The following LRCH2 variants were observed in gnomAD, a reference collection of about 807,000 sequenced individuals.
The protein encoded by LRCH2 is leucine rich repeats and calponin homology domain containing 2, also known as leucine-rich repeat and calponin homology domain-containing protein 2.
A neutral mutation model predicts 68.9 loss-of-function variants in LRCH2; 38 were observed. The ratio of observed to expected loss-of-function variants is 0.55; its 90% CI spans 0.43 to 0.72. LRCH2 has a LOEUF of 0.72. Among genes scored for constraint, LRCH2 ranks in the 30% least tolerant of loss-of-function variants. The pLI is 0.00. For missense variants in LRCH2, 528 were observed against 572.9 expected (o/e 0.92, Z 0.80); for synonymous variants, 191 against 208.1 (o/e 0.92, Z 0.71).
chrX:115,148,302 T>C (rs2072404209), intron 14 of LRCH2, among the ~76,000 whole-genome samples: 1 of 111,412 alleles, frequency 9.0e-6, no homozygotes, highest in African/African-American at 3.3e-5. Context: ...CCTCATAAGG[T>C]TGTTATGAGG....
chrX:115,231,872 C>T (rs1222132682), intron 1 of LRCH2, among the ~76,000 whole-genome samples: 11 of 111,625 alleles, frequency 9.9e-5, no homozygotes, highest in Non-Finnish European at 1.9e-4. Context: ...AAAATAAAAC[C>T]AGCACTGCCA....
At chrX:115,190,154 G>A (rs1333479504) in intron 1 of LRCH2, 10 of 1,164,291 alleles carry the variant, frequency 8.6e-6, no homozygotes, top group Admixed American at 5.2e-5. Flanking sequence ...TCAGGCCCGC[G>A]GGTCCGGGAG....
intron 1 of LRCH2, chrX:115,192,177 C>T: frequency 8.6e-7 from 1 of 1,167,057 alleles, no homozygotes. Context: ...GAGGAGGCTG[C>T]TACGAGGAAT....
rs1375870645 is a variant in LRCH2, at chrX:115,192,741, T to C, written c.350-4371A>G. The C allele has an allele frequency of 1.7e-5, 15 of 891,492 alleles. No individual in the cohort carries two copies. The African/African-American group carries it at 2.4e-4, about 14-fold the overall frequency. 73.5% of individuals were successfully genotyped at this position (891,492 alleles called of 1,213,427 possible). ...ACCCAAGGACTAGTATAAGTAGGAG[T>C]TGTTTTTACCTTTTAAGAATTTCCT... On this transcript the variant is annotated intron_variant, in intron 1 of 20. Coordinates refer to ENST00000317135, the MANE Select transcript of LRCH2 (RefSeq NM_020871.4).
intron 12 of LRCH2, among the ~76,000 whole-genome samples, chrX:115,150,636 A>G (rs2147373012): frequency 9.0e-6 from 1 of 111,319 alleles, no homozygotes; most frequent in Non-Finnish European, 1.9e-5. Context: ...GAAAAAATAT[A>G]TAAACAAAAT....
intron 1 of LRCH2, among the ~76,000 whole-genome samples, chrX:115,213,131 A>G (rs929809054): frequency 4.5e-5 from 5 of 111,252 alleles, no homozygotes; most frequent in African/African-American, 1.6e-4. Context: ...CAGTAGGTTT[A>G]TCTTGCAAAG....
intron 1 of LRCH2, among the ~76,000 whole-genome samples, chrX:115,208,582 C>T (rs1011173326): frequency 3.6e-5 from 4 of 111,788 alleles, no homozygotes; most frequent in African/African-American, 9.7e-5. Flanking sequence ...AATCTGCTGT[C>T]TCCCAAGCTG....
intron 5 of LRCH2, among the ~76,000 whole-genome samples, chrX:115,172,030 T>G (rs1393858702): frequency 9.0e-6 from 1 of 111,172 alleles, no homozygotes; most frequent in East Asian, 2.8e-4. Flanking sequence ...TTAAACTCTT[T>G]TAGTTTAATT....
At chrX:115,178,800 T>C (rs1490427755) in intron 5 of LRCH2, among the ~76,000 whole-genome samples, 2 of 112,501 alleles carry the variant, frequency 1.8e-5, no homozygotes, top group African/African-American at 3.2e-5. Flanking sequence ...TAAAGTACCA[T>C]TTCACTGCTA....
In LRCH2 at chrX:115,110,906, A is replaced by C. The variant is rs782482789; in HGVS notation, c.*2310T>G. ...ATGTAACAGAAATAGATATCTATTA[A>C]ATTTTGGGGGCCTAATAAAATATTT... On this transcript the variant is annotated 3_prime_UTR_variant, in exon 21 of 21. Coordinates refer to ENST00000317135, the MANE Select transcript of LRCH2 (RefSeq NM_020871.4). 7.1e-4 allele frequency: 80 copies of C among 112,021 alleles called. No homozygotes were observed. The highest frequency in any genetic ancestry group is 2.5e-3 in the African/African-American group (77 of 30,898). The allele number at this position is 112,021 out of a possible 1,213,427, so 9.2% of individuals were successfully genotyped here.
intron 14 of LRCH2, among the ~76,000 whole-genome samples, chrX:115,148,346 C>T (rs781910674): frequency 8.9e-6 from 1 of 111,772 alleles, no homozygotes; most frequent in South Asian, 3.7e-4. Context: ...AGTCTTAGGA[C>T]AGTGCCTGGC....
intron 14 of LRCH2, among the ~76,000 whole-genome samples, chrX:115,146,898 TACATACATACACACACAC>T (rs1428261864): frequency 3.3e-3 from 208 of 62,975 alleles, no homozygotes; most frequent in African/African-American, 0.012. Context: ...TTGGATTTCT[TACATACATACACACACAC>T]ACACACACAC....
rs782121032 is a variant in LRCH2, at chrX:115,122,716, T to C, written c.2100+44A>G. 1.0e-5 allele frequency: 12 copies of C among 1,191,198 alleles called. No individual in the cohort carries two copies. The East Asian group carries it at 3.3e-4, about 33-fold the overall frequency. ...TTATTTAAAGACAATTTTAAGAAGC[T>C]ATATCTTCCTTTAGAGAACTAACAA... On this transcript the variant is annotated intron_variant, in intron 19 of 20. Coordinates refer to ENST00000317135, the MANE Select transcript of LRCH2 (RefSeq NM_020871.4).
intron 1 of LRCH2, among the ~76,000 whole-genome samples, chrX:115,197,539 C>G (rs1363922160): frequency 1.8e-5 from 2 of 110,647 alleles, no homozygotes; most frequent in East Asian, 5.7e-4. Flanking sequence ...ACTGCTTGAG[C>G]CCAGGTGTTT....
At chrX:115,164,570 G>A (rs2072543477) in intron 10 of LRCH2, among the ~76,000 whole-genome samples, 1 of 111,455 alleles carries the variant, frequency 9.0e-6, no homozygotes, top group Non-Finnish European at 1.9e-5. Context: ...GAAGTCATTT[G>A]GAGGAAGCAT....
chrX:115,189,607 T>C (rs1216003409), intron 1 of LRCH2: 3 of 1,168,462 alleles, frequency 2.6e-6, no homozygotes, highest in Non-Finnish European at 3.4e-6. Flanking sequence ...GTTCGTCACC[T>C]TCGAAAGCCC....
At position 115,150,086 on chromosome X, in the gene LRCH2, T is replaced by C. The variant is rs1313363572; in HGVS notation, c.1530-16A>G. 4 of 1,099,874 alleles carry C rather than the reference T, an allele frequency of 3.6e-6. No homozygotes were observed. Among genetic ancestry groups the C allele is most frequent in the Non-Finnish European group, 4.9e-6 (4 of 819,404 alleles). The allele number at this position is 1,099,874 out of a possible 1,213,427, so 90.6% of individuals were successfully genotyped here. A position where few individuals can be genotyped will look rare whatever the true frequency, so the allele number is the denominator to read the frequency against. On this transcript the variant is annotated splice_polypyrimidine_tract_variant and intron_variant, in intron 12 of 20. Coordinates refer to ENST00000317135, the MANE Select transcript of LRCH2 (RefSeq NM_020871.4). ...TGCTGAGACACTAAAAAATTGAAGATGCCTTAATACGTTAAAATATTTAGA... is the reference window on the plus strand; with the variant it reads ...TGCTGAGACACTAAAAAATTGAAGACGCCTTAATACGTTAAAATATTTAGA...
At chrX:115,125,512 T>C (rs12007637) in intron 16 of LRCH2, among the ~76,000 whole-genome samples, 4 of 143 alleles carry the variant, frequency 0.028, 2 homozygotes, top group African/African-American at 0.061. Flanking sequence ...TATATATATA[T>C]ATATATATAT....
intron 5 of LRCH2, among the ~76,000 whole-genome samples, chrX:115,174,534 A>G (rs1177938361): frequency 9.2e-6 from 1 of 108,712 alleles, no homozygotes; most frequent in African/African-American, 3.4e-5. Flanking sequence ...GTTGTTGCAA[A>G]TGACAGGATT....
Sources: allele counts gnomAD v4.1 joint callset (sites outside exome capture counted in the v4.1 genomes callset), GRCh38; gene constraint gnomAD v4.1.1; transcripts MANE v1.5; gene names NCBI Gene and HGNC (gene_info 2026-07-23, HGNC 2026-07-21).